ESR1: variants seen among roughly 807,000 people sequenced by gnomAD.
ESR1 encodes the protein estrogen receptor 1.
A neutral mutation model predicts 52.7 loss-of-function variants in ESR1; 12 were observed. The observed-to-expected ratio is 0.23, with a 90% CI of 0.15 to 0.37. ESR1 has a LOEUF of 0.37. ESR1 is among the 10% of genes least tolerant of loss of function. ESR1 has a pLI of 1.00. For missense variants in ESR1, 584 were observed against 779.7 expected, an observed-to-expected ratio of 0.75 and a Z score of 2.99; for synonymous variants, 305 against 316.8, an observed-to-expected ratio of 0.96 and a Z score of 0.39.
upstream of ESR1, chr6:151,805,585 T>C (rs1562421031): frequency 6.6e-6 from 1 of 152,444 alleles, no homozygotes. Flanking sequence ...TCCAGCGCTG[T>C]GCAGTAGCCC....
intron 3 of ESR1, among the ~76,000 whole-genome samples, chr6:151,887,119 T>C (rs921604869): frequency 1.3e-5 from 2 of 151,956 alleles, no homozygotes; most frequent in Admixed American, 1.3e-4. Flanking sequence ...AAAATGTAGA[T>C]GTGAATTACT....
intron 7 of ESR1, among the ~76,000 whole-genome samples, chr6:152,095,634 A>T (rs2050547667): frequency 6.6e-6 from 1 of 152,186 alleles, no homozygotes; most frequent in African/African-American, 2.4e-5. Flanking sequence ...GGGTGTCCAG[A>T]GTCAAAGAGG....
At chr6:151,923,652 T>C (rs9479142) in intron 3 of ESR1, among the ~76,000 whole-genome samples, 92,860 of 152,074 alleles carry the variant, frequency 0.61, 29,068 homozygotes, top group Middle Eastern at 0.75. Context: ...ATTTTCATGG[T>C]CTGATAGCTC....
intron 3 of ESR1, among the ~76,000 whole-genome samples, chr6:151,920,513 T>G (rs1204444928): frequency 2.0e-5 from 3 of 152,164 alleles, no homozygotes; most frequent in Admixed American, 2.0e-4. Context: ...TTTTCTAAGT[T>G]TTCCTCTAAT....
At chr6:151,881,652 G>A (rs532212630) in intron 3 of ESR1, among the ~76,000 whole-genome samples, 1 of 152,206 alleles carries the variant, frequency 6.6e-6, no homozygotes, top group South Asian at 2.1e-4. Context: ...TGAGGCTGAG[G>A]TGGGCAGATC....
chr6:151,879,669 A>T (rs1792459591), intron 2 of ESR1, among the ~76,000 whole-genome samples: 1 of 152,078 alleles, frequency 6.6e-6, no homozygotes, highest in Non-Finnish European at 1.5e-5. Flanking sequence ...ACTATGGTAA[A>T]CTCCTAACCT....
intron 3 of ESR1, among the ~76,000 whole-genome samples, chr6:151,891,119 C>T (rs1794647167): frequency 6.6e-6 from 1 of 152,160 alleles, no homozygotes; most frequent in African/African-American, 2.4e-5. Context: ...CTATGTTCAA[C>T]TGTTTATAAC....
intron 1 of ESR1, among the ~76,000 whole-genome samples, chr6:151,837,225 G>A (rs1222858315): frequency 6.7e-6 from 1 of 148,532 alleles, no homozygotes; most frequent in African/African-American, 2.5e-5. Flanking sequence ...TCAGCCTCCC[G>A]AGTAGCTGGG....
intron 2 of ESR1, among the ~76,000 whole-genome samples, chr6:151,786,477 G>C (rs1364992234): frequency 6.6e-6 from 1 of 152,144 alleles, no homozygotes; most frequent in Non-Finnish European, 1.5e-5. Flanking sequence ...TTAATCTAGA[G>C]AGTCATTGAT....
At chr6:151,820,406 C>T (rs558806354) in intron 1 of ESR1, among the ~76,000 whole-genome samples, 8 of 152,238 alleles carry the variant, frequency 5.3e-5, no homozygotes, top group Non-Finnish European at 8.8e-5. Context: ...GGTGCCTTGC[C>T]GAAAACCTTA....
At chr6:151,763,514 T>C (rs1303443636) in intron 2 of ESR1, among the ~76,000 whole-genome samples, 1 of 152,250 alleles carries the variant, frequency 6.6e-6, no homozygotes, top group African/African-American at 2.4e-5. Flanking sequence ...CGTCTTTTTT[T>C]TCCCCCTAGG....
At position 152,099,298 on chromosome 6, in the gene ESR1, T is replaced by A; in HGVS notation, c.*332T>A. On this transcript the variant is annotated 3_prime_UTR_variant, in exon 8 of 8. Coordinates refer to ENST00000206249, the MANE Select transcript of ESR1 (RefSeq NM_000125.4). ...CTCAGATAACTCTGTGCATTTAAGCTACTTGTAGAGACCCAGGCCTGGAGA... is the reference window on the plus strand; with the variant it reads ...CTCAGATAACTCTGTGCATTTAAGCAACTTGTAGAGACCCAGGCCTGGAGA... 1 of 448,074 alleles carries A rather than the reference T, an allele frequency of 2.2e-6. No individual in the cohort carries two copies. The highest frequency in any genetic ancestry group is 4.2e-6 in the Non-Finnish European group (1 of 240,848). 27.8% of individuals were successfully genotyped at this position (448,074 alleles called of 1,614,324 possible). A position where few individuals can be genotyped will look rare whatever the true frequency, so the allele number is the denominator to read the frequency against.
intron 1 of ESR1, chr6:151,814,209 G>A (rs1213652450): frequency 6.6e-6 from 1 of 152,162 alleles, no homozygotes; most frequent in African/African-American, 2.4e-5. Context: ...GAAAGCAAAA[G>A]ACAATGTTCT....
intron 4 of ESR1, among the ~76,000 whole-genome samples, chr6:151,989,012 G>A (rs777682677): frequency 2.6e-5 from 4 of 152,044 alleles, no homozygotes; most frequent in South Asian, 2.1e-4. Context: ...TGAATATCCC[G>A]ATGCATCTCC....
At chr6:151,768,832 G>A (rs894759293) in intron 2 of ESR1, among the ~76,000 whole-genome samples, 1 of 152,100 alleles carries the variant, frequency 6.6e-6, no homozygotes, top group African/African-American at 2.4e-5. Flanking sequence ...CAATAACCCT[G>A]GCTCTTATAA....
At position 152,101,138 on chromosome 6, in the gene ESR1, A is replaced by C. The variant is rs759867901; in HGVS notation, c.*2172A>C. 1 of 230,256 alleles carries C rather than the reference A, an allele frequency of 4.3e-6. No individual in the cohort carries two copies. The highest frequency in any genetic ancestry group is 2.2e-5 in the African/African-American group (1 of 44,724). The allele number at this position is 230,256 out of a possible 1,614,324, so 14.3% of individuals were successfully genotyped here. A position where few individuals can be genotyped will look rare whatever the true frequency, so the allele number is the denominator to read the frequency against. ...TTCATTTAAATGAAGATCACATTTC[A>C]TATCAACTTTTGTATCCACAGTAGA... is the stretch of plus-strand genomic sequence containing the variant. On this transcript the variant is annotated 3_prime_UTR_variant, in exon 8 of 8. Transcript: ENST00000206249.
At chr6:151,712,020 A>T (rs139964281) in intron 2 of ESR1, among the ~76,000 whole-genome samples, 113 of 152,268 alleles carry the variant, frequency 7.4e-4, no homozygotes, top group African/African-American at 2.7e-3. Flanking sequence ...TAATTTTTGT[A>T]TAAGGTGTAA....
intron 6 of ESR1, among the ~76,000 whole-genome samples, chr6:152,089,626 T>C (rs1440249882): frequency 6.6e-6 from 1 of 152,214 alleles, no homozygotes; most frequent in Non-Finnish European, 1.5e-5. Context: ...TCACCCAGGC[T>C]AGAGTGCAGT....
At chr6:151,703,365 C>T (rs1229161892) in intron 2 of ESR1, among the ~76,000 whole-genome samples, 5 of 152,184 alleles carry the variant, frequency 3.3e-5, no homozygotes, top group Non-Finnish European at 7.3e-5. Context: ...GTGGAACCCC[C>T]AGAGCCTTGT....
Sources: gnomAD v4.1 joint callset for allele counts (sites outside exome capture counted in the v4.1 genomes callset) on GRCh38, gnomAD v4.1.1 for gene constraint, MANE v1.5 for transcripts, NCBI Gene and HGNC (gene_info 2026-07-23, HGNC 2026-07-21) for gene names.